Variants in PCGF5 observed in about 807,000 individuals in gnomAD.
PCGF5 encodes polycomb group ring finger 5.
PCGF5 carries 9 observed loss-of-function variants against 44.3 expected under a neutral mutation model. The observed-to-expected ratio is 0.20, with a 90% CI of 0.12 to 0.35. PCGF5 has a LOEUF of 0.35. Ranked by LOEUF, PCGF5 falls within the 10% of genes least tolerant of loss-of-function variation. PCGF5 has a pLI of 1.00. For missense variants in PCGF5, 146 were observed against 305.3 expected (o/e 0.48, Z 3.89); for synonymous variants, 95 against 102.5 (o/e 0.93, Z 0.44).
intron 1 of PCGF5, among the ~76,000 whole-genome samples, chr10:91,199,617 G>A (rs1021009373): frequency 5.9e-5 from 9 of 152,174 alleles, no homozygotes; most frequent in South Asian, 2.1e-4. Flanking sequence ...ATTCAGCCAC[G>A]GCTCCAAAAT....
At chr10:91,163,138 G>C (rs922788322) in intron 1 of PCGF5, 1 of 150,052 alleles carries the variant, frequency 6.7e-6, no homozygotes, top group Non-Finnish European at 1.5e-5. Flanking sequence ...GCCCAGGGAA[G>C]TTTCTGGCGT....
chr10:91,273,881 T>TATA (rs1213864469), intron 9 of PCGF5, among the ~76,000 whole-genome samples: 1 of 150,652 alleles, frequency 6.6e-6, no homozygotes, highest in Non-Finnish European at 1.5e-5. Flanking sequence ...TTTATACATA[T>TATA]ATACTCTAGG....
intron 6 of PCGF5, among the ~76,000 whole-genome samples, chr10:91,258,685 A>G (rs1042279768): frequency 6.6e-6 from 1 of 152,140 alleles, no homozygotes; most frequent in East Asian, 1.9e-4. Context: ...AGACGTGTAC[A>G]TTTATCCCTT....
upstream of PCGF5, among the ~76,000 whole-genome samples, chr10:91,158,976 T>C (rs1843349171): frequency 6.6e-6 from 1 of 152,170 alleles, no homozygotes; most frequent in Admixed American, 6.5e-5. Context: ...CTTCACAGTA[T>C]GCTAAGATTG....
chr10:91,269,839 T>C (rs1352958479), intron 8 of PCGF5, among the ~76,000 whole-genome samples: 1 of 152,212 alleles, frequency 6.6e-6, no homozygotes, highest in African/African-American at 2.4e-5. Flanking sequence ...TCATCATGTT[T>C]GTCTTTTTGT....
intron 8 of PCGF5, among the ~76,000 whole-genome samples, chr10:91,269,019 C>T (rs527614178): frequency 1.3e-5 from 2 of 152,114 alleles, no homozygotes; most frequent in African/African-American, 2.4e-5. Context: ...AAACATGCTT[C>T]TTGATCTTTA....
upstream of PCGF5, among the ~76,000 whole-genome samples, chr10:91,216,532 G>A (rs1044808372): frequency 6.6e-6 from 1 of 152,212 alleles, no homozygotes; most frequent in Non-Finnish European, 1.5e-5. Context: ...AGAGCAGCAT[G>A]ACCCTCATTT....
upstream of PCGF5, among the ~76,000 whole-genome samples, chr10:91,219,940 GACAGTCTCCCC>G (rs1844622948): frequency 2.0e-5 from 3 of 152,112 alleles, no homozygotes; most frequent in Non-Finnish European, 4.4e-5. Context: ...ATTTTGCATT[GACAGTCTCCCC>G]TACCCTCTAT....
intron 2 of PCGF5, among the ~76,000 whole-genome samples, chr10:91,231,529 G>C (rs185935861): frequency 6.6e-6 from 1 of 152,186 alleles, no homozygotes; most frequent in African/African-American, 2.4e-5. Context: ...TCTAAAGCAG[G>C]AGTGTGACTG....
At chr10:91,204,568 T>C (rs1197195182) in intron 1 of PCGF5, among the ~76,000 whole-genome samples, 1 of 152,180 alleles carries the variant, frequency 6.6e-6, no homozygotes, top group Non-Finnish European at 1.5e-5. Flanking sequence ...GGATATGAAA[T>C]GGTAGAGCCA....
At chr10:91,258,202 G>C (rs964140226) in intron 6 of PCGF5, among the ~76,000 whole-genome samples, 4 of 152,058 alleles carry the variant, frequency 2.6e-5, no homozygotes, top group Non-Finnish European at 4.4e-5. Flanking sequence ...AAAATGTTTT[G>C]GAATTAGATC....
intron 1 of PCGF5, among the ~76,000 whole-genome samples, chr10:91,208,289 A>C (rs538774657): frequency 6.6e-6 from 1 of 152,148 alleles, no homozygotes; most frequent in Non-Finnish European, 1.5e-5. Context: ...TTCAGTGTGT[A>C]TGATCCATTC....
intron 2 of PCGF5, among the ~76,000 whole-genome samples, chr10:91,232,500 G>A (rs1357618396): frequency 6.6e-6 from 1 of 152,102 alleles, no homozygotes; most frequent in African/African-American, 2.4e-5. Flanking sequence ...GTTTTAGGGG[G>A]TTCTTTTTGA....
intron 1 of PCGF5, among the ~76,000 whole-genome samples, chr10:91,175,798 G>T (rs907661763): frequency 4.6e-5 from 7 of 152,160 alleles, no homozygotes; most frequent in African/African-American, 1.4e-4. Flanking sequence ...TTGAGCCTAT[G>T]TGTGTCTCTG....
chr10:91,243,046 C>G (rs1435278760), intron 3 of PCGF5, among the ~76,000 whole-genome samples: 1 of 152,062 alleles, frequency 6.6e-6, no homozygotes, highest in Non-Finnish European at 1.5e-5. Flanking sequence ...TGGGATAGCT[C>G]CTCATGATAG....
intron 3 of PCGF5, among the ~76,000 whole-genome samples, chr10:91,245,099 A>G (rs772980571): frequency 2.6e-5 from 4 of 152,138 alleles, no homozygotes; most frequent in Admixed American, 6.6e-5. Context: ...AGCCCTGGAG[A>G]ACTCCAGCAT....
chr10:91,198,382 A>AT (rs746632970), intron 1 of PCGF5, among the ~76,000 whole-genome samples: 6 of 152,206 alleles, frequency 3.9e-5, no homozygotes, highest in African/African-American at 7.2e-5. Flanking sequence ...TTTGATAACT[A>AT]TAAGACCAAC....
chr10:91,243,524 C>A (rs2133356219), intron 3 of PCGF5, among the ~76,000 whole-genome samples: 1 of 152,232 alleles, frequency 6.6e-6, no homozygotes, highest in East Asian at 1.9e-4. Flanking sequence ...GAATAAATGA[C>A]TCTAGCATAG....
At chr10:91,200,163 C>T (rs2133232189) in intron 1 of PCGF5, among the ~76,000 whole-genome samples, 1 of 152,290 alleles carries the variant, frequency 6.6e-6, no homozygotes, top group South Asian at 2.1e-4. Context: ...CAGCCTGCTC[C>T]CAGAGCCAGA....
Sources: allele counts gnomAD v4.1 joint callset (sites outside exome capture counted in the v4.1 genomes callset), GRCh38; gene constraint gnomAD v4.1.1; transcripts MANE v1.5; gene names NCBI Gene and HGNC (gene_info 2026-07-23, HGNC 2026-07-21).